Variants in NAV2 observed in about 807,000 individuals in gnomAD.
NAV2 encodes the protein neuron navigator 2.
NAV2 carries 54 observed loss-of-function variants against 223.2 expected under a neutral mutation model. That is an observed-to-expected ratio of 0.24 (90% confidence interval 0.19 to 0.30). NAV2 has a LOEUF of 0.30. NAV2 is among the 10% of genes least tolerant of loss of function. NAV2 has a pLI of 1.00. For synonymous variants in NAV2, 1,279 were observed against 1,239.3 expected (o/e 1.03, Z -0.67); for missense variants, 2,806 against 3,147.5 (o/e 0.89, Z 2.60).
intron 1 of NAV2, among the ~76,000 whole-genome samples, chr11:19,576,788 T>G (rs1050269676): frequency 6.6e-6 from 1 of 152,214 alleles, no homozygotes; most frequent in Non-Finnish European, 1.5e-5. Flanking sequence ...AAGGGAACCC[T>G]GAGCCTTTCT....
intron 1 of NAV2, among the ~76,000 whole-genome samples, chr11:19,552,195 C>T (rs1444065571): frequency 2.0e-5 from 3 of 152,164 alleles, no homozygotes; most frequent in East Asian, 3.9e-4. Context: ...GGAAAGGGCT[C>T]ATTGCCTTTT....
At chr11:20,102,499 C>T (rs774557703) in intron 32 of NAV2, among the ~76,000 whole-genome samples, 5 of 152,082 alleles carry the variant, frequency 3.3e-5, no homozygotes, top group South Asian at 2.1e-4. Context: ...GTAAAATGGA[C>T]GTAATCATAG....
chr11:19,960,673 G>A (rs1179985978), intron 10 of NAV2, among the ~76,000 whole-genome samples: 1 of 151,576 alleles, frequency 6.6e-6, no homozygotes, highest in Non-Finnish European at 1.5e-5. Context: ...GAGGGCAGTG[G>A]CACAATCTCA....
At position 20,121,166 on chromosome 11, in the gene NAV2, G is replaced by A. The variant is rs1037918556; in HGVS notation, c.*2908G>A. 2 of 152,520 alleles carry A rather than the reference G, an allele frequency of 1.3e-5. No homozygotes were observed. The highest frequency in any genetic ancestry group is 4.8e-5 in the African/African-American group (2 of 41,398). The allele number at this position is 152,520 out of a possible 1,614,324, so 9.4% of individuals were successfully genotyped here. Reference sequence around the variant, plus strand: ...ATTCTCTGTATTCAAATTTGATTGTGGCGAATCTACTTCAAAAAGGAAAAA... The same window carrying A: ...ATTCTCTGTATTCAAATTTGATTGTAGCGAATCTACTTCAAAAAGGAAAAA... On this transcript the variant is annotated 3_prime_UTR_variant, in exon 38 of 38. Transcript: ENST00000349880.
rs761192651 is a variant in NAV2, at chr11:19,579,737, T to C, written c.75+228710T>C. 6.6e-5 allele frequency among the ~76,000 whole-genome samples: 10 copies of C among 152,324 alleles called. No individual in the cohort carries two copies. The East Asian group carries it at 1.7e-3, about 26-fold the overall frequency. ...GTAAGCACCCAATAAATGTTAGTTG[T>C]TATTCCCCTCCTACATGACCTGGTC... On this transcript the variant is annotated intron_variant, in intron 1 of 37. Transcript: ENST00000360655.
At chr11:19,696,931 T>C (rs1027615532) in intron 1 of NAV2, among the ~76,000 whole-genome samples, 4 of 152,142 alleles carry the variant, frequency 2.6e-5, no homozygotes, top group Non-Finnish European at 5.9e-5. Context: ...TCCTACAATA[T>C]AGATAGTGCT....
chr11:19,370,937 T>C (rs1030706073), intron 1 of NAV2, among the ~76,000 whole-genome samples: 1 of 152,222 alleles, frequency 6.6e-6, no homozygotes, highest in Non-Finnish European at 1.5e-5. Context: ...TGTTTGCTCC[T>C]GAGCTGCCTG....
At chr11:19,387,458 C>T (rs1214073041) in intron 1 of NAV2, among the ~76,000 whole-genome samples, 1 of 152,116 alleles carries the variant, frequency 6.6e-6, no homozygotes, top group South Asian at 2.1e-4. Flanking sequence ...GTGGGTGGTG[C>T]ACGAGAGAAG....
chr11:19,517,165 C>A (rs2043485009), intron 1 of NAV2, among the ~76,000 whole-genome samples: 2 of 152,188 alleles, frequency 1.3e-5, no homozygotes, highest in Non-Finnish European at 2.9e-5. Flanking sequence ...GCGCAGTCCA[C>A]TTTCTTGGTT....
chr11:19,719,106 A>G (rs1464547117), intron 1 of NAV2, among the ~76,000 whole-genome samples: 1 of 152,216 alleles, frequency 6.6e-6, no homozygotes, highest in Non-Finnish European at 1.5e-5. Flanking sequence ...ATGAGGCCCC[A>G]GTGGAACTCT....
At chr11:19,629,091 G>C (rs1486296539) in intron 1 of NAV2, among the ~76,000 whole-genome samples, 1 of 152,118 alleles carries the variant, frequency 6.6e-6, no homozygotes, top group Non-Finnish European at 1.5e-5. Flanking sequence ...TCTAAAATGT[G>C]GTGGCCATTC....
intron 1 of NAV2, among the ~76,000 whole-genome samples, chr11:19,357,518 A>G (rs1853687101): frequency 6.6e-6 from 1 of 152,168 alleles, no homozygotes; most frequent in Non-Finnish European, 1.5e-5. Context: ...GTATTAAATG[A>G]TATCTATTAT....
intron 1 of NAV2, among the ~76,000 whole-genome samples, chr11:19,758,345 C>A (rs1462818352): frequency 1.3e-5 from 2 of 152,162 alleles, no homozygotes; most frequent in East Asian, 3.8e-4. Flanking sequence ...GGGAAGGCCT[C>A]TCTGAGGAGG....
At chr11:19,477,780 C>A (rs1009592113) in intron 1 of NAV2, among the ~76,000 whole-genome samples, 1 of 152,166 alleles carries the variant, frequency 6.6e-6, no homozygotes, top group African/African-American at 2.4e-5. Context: ...GGATTATGAA[C>A]ATCTTTTACA....
intron 1 of NAV2, among the ~76,000 whole-genome samples, chr11:19,787,274 T>A (rs1011856214): frequency 0.17 from 19,673 of 112,972 alleles, 3,015 homozygotes; most frequent in East Asian, 0.54. Flanking sequence ...TTGGATCTTT[T>A]TTTTTTTTTT....
chr11:19,755,994 A>G (rs995841404), intron 1 of NAV2, among the ~76,000 whole-genome samples: 1 of 152,178 alleles, frequency 6.6e-6, no homozygotes, highest in Non-Finnish European at 1.5e-5. Context: ...GAAAATCACA[A>G]CTGCTTTCAA....
At chr11:19,776,158 G>T (rs1016088742) in intron 1 of NAV2, among the ~76,000 whole-genome samples, 6 of 152,166 alleles carry the variant, frequency 3.9e-5, no homozygotes, top group African/African-American at 1.4e-4. Flanking sequence ...AGGATGTCAT[G>T]GCTGCCCAAA....
chr11:19,864,303 T>C (rs1373983171), intron 3 of NAV2, among the ~76,000 whole-genome samples: 1 of 152,230 alleles, frequency 6.6e-6, no homozygotes, highest in Non-Finnish European at 1.5e-5. Context: ...AGAGATGGTC[T>C]TCCTTTGCAT....
At chr11:20,085,296 T>G (rs1024422431) in intron 26 of NAV2, among the ~76,000 whole-genome samples, 1 of 152,108 alleles carries the variant, frequency 6.6e-6, no homozygotes, top group Admixed American at 6.5e-5. Context: ...GAACTTTCAC[T>G]CTGAAGGCCC....
Sources: gnomAD v4.1 joint callset for allele counts (sites outside exome capture counted in the v4.1 genomes callset) on GRCh38, gnomAD v4.1.1 for gene constraint, MANE v1.5 for transcripts, NCBI Gene and HGNC (gene_info 2026-07-23, HGNC 2026-07-21) for gene names.